The following NDUFC2 variants were observed in gnomAD, a reference collection of about 807,000 sequenced individuals.
NDUFC2 encodes the protein NADH dehydrogenase [ubiquinone] 1 subunit C2.
A neutral mutation model predicts 10.1 loss-of-function variants in NDUFC2; 2 were observed. That is an observed-to-expected ratio of 0.20 (90% CI 0.08 to 0.62). The LOEUF (loss-of-function observed/expected upper bound fraction) is 0.62. Ranked by LOEUF, NDUFC2 falls within the 20% of genes least tolerant of loss-of-function variation. The pLI, the probability that NDUFC2 is intolerant of heterozygous loss-of-function variation, is 0.87. For synonymous variants in NDUFC2, 61 were observed against 63.6 expected (o/e 0.96, Z 0.20); for missense variants, 156 against 159.6 (o/e 0.98, Z 0.12).
At position 78,079,701 on chromosome 11, in the gene NDUFC2, T is replaced by G; in HGVS notation, c.44A>C (p.Asp15Ala). ...RNPEPLRFLP[D>A]EARSLPPPKL... ...GGGCGGGGGCAGGCTCCGGGCCTCA[T>G]CCGGCAGAAACCGTAAGGGTTCTGG... Residue 15 changes from aspartate (D) to alanine (A), a missense_variant, in exon 1 of 3, where the codon GAT (aspartate) becomes GCT (alanine). By Grantham distance (126) the Asp-to-Ala change is moderately radical. Coordinates refer to ENST00000281031, the MANE Select transcript of NDUFC2 (RefSeq NM_004549.6). 1 of 1,610,234 alleles carries G rather than the reference T, an allele frequency of 6.2e-7. No individual in the cohort carries two copies. The highest frequency in any genetic ancestry group is 8.5e-7 in the Non-Finnish European group (1 of 1,178,644).
Position 78,069,702 on chromosome 11 carries a change from TGA to T in NDUFC2, c.*283_*284del, listed in dbSNP as rs145640909. On this transcript the variant is annotated 3_prime_UTR_variant, in exon 3 of 3. Coordinates refer to ENST00000281031, the MANE Select transcript of NDUFC2 (RefSeq NM_004549.6). The stretch of plus-strand genomic sequence containing the variant: ...ACAAATGAGCATGGCTGTGTTCCAA[TGA>T]GACTTTATTGGCAGTGGGCCAGATT... 0.016 allele frequency: 10,280 copies of T among 623,738 alleles called. 130 individuals carry two copies. The highest frequency in any genetic ancestry group is 0.024 in the South Asian group (1,144 of 46,896). The allele number at this position is 623,738 out of a possible 1,614,324, so 38.6% of individuals were successfully genotyped here.
chr11:78,070,113 A>C, intron 2 of NDUFC2, 77 bp from the exon 3 acceptor site: 1 of 1,033,412 alleles, frequency 9.7e-7, no homozygotes, highest in Non-Finnish European at 1.4e-6. Flanking sequence ...GAAAATTAAC[A>C]CTCACTAATC....
intron 1 of NDUFC2, among the ~76,000 whole-genome samples, chr11:78,073,910 C>T (rs1027262079): frequency 1.1e-4 from 16 of 150,418 alleles, no homozygotes; most frequent in Admixed American, 3.3e-4. Flanking sequence ...CTAGCTCTGT[C>T]GCCCAGGCTG....
At chr11:78,072,825 C>T in intron 2 of NDUFC2, 173 bp downstream of exon 2, 5 of 921,234 alleles carry the variant, frequency 5.4e-6, no homozygotes, top group Non-Finnish European at 8.0e-6. Context: ...GTCCAAAGGA[C>T]ACGGAGGTAG....
At chr11:78,079,248 A>G (rs570358953) in intron 1 of NDUFC2, among the ~76,000 whole-genome samples, 1 of 152,298 alleles carries the variant, frequency 6.6e-6, no homozygotes, top group Admixed American at 6.5e-5. Context: ...AATGCTATCA[A>G]TAATGCCCAC....
rs11544622 is a variant in NDUFC2 at position 78,079,683 on chromosome 11, G to A, written c.62C>T (p.Pro21Leu). ...RFLPDEARSL[P>L]PPKLTDPRLL... ...CCGCGGGTCGGTCAGCTTGGGCGGGGGCAGGCTCCGGGCCTCATCCGGCAG... is the reference window on the plus strand; with the variant it reads ...CCGCGGGTCGGTCAGCTTGGGCGGGAGCAGGCTCCGGGCCTCATCCGGCAG... The change falls in exon 1 of 3, where the codon CCC (proline) becomes CTC (leucine). Residue 21 changes from proline to leucine, a missense_variant. Coordinates refer to ENST00000281031, the MANE Select transcript of NDUFC2 (RefSeq NM_004549.6). 6.2e-7 allele frequency: 1 copy of A among 1,610,098 alleles called. No individual in the cohort carries two copies. The highest frequency in any genetic ancestry group is 2.2e-5 in the East Asian group (1 of 44,682).
chr11:78,076,915 A>G (rs1859274918), intron 1 of NDUFC2, among the ~76,000 whole-genome samples: 1 of 152,260 alleles, frequency 6.6e-6, no homozygotes, highest in African/African-American at 2.4e-5. Flanking sequence ...ACATGTATCT[A>G]TCATACCAAG....
chr11:78,071,041 T>C (rs542469094), intron 2 of NDUFC2, among the ~76,000 whole-genome samples: 1 of 152,302 alleles, frequency 6.6e-6, no homozygotes, highest in African/African-American at 2.4e-5. Context: ...TCCCGATACA[T>C]CCACTATTCA....
rs1245768880 is a variant in NDUFC2, at chr11:78,070,157, C to T, written c.311-121G>A. On this transcript the variant is annotated intron_variant, in intron 2 of 2. Transcript: ENST00000281031. The stretch of plus-strand genomic sequence containing the variant: ...GAAATCCTGCTGTGGTCTGAATGTT[C>T]ATGTCCCCCCAAAGTTCATAAATTG... The T allele has an allele frequency of 1.1e-5, 8 of 706,828 alleles. No individual in the cohort carries two copies. The African/African-American group carries it at 1.4e-4, about 13-fold the overall frequency. 43.8% of individuals were successfully genotyped at this position (706,828 alleles called of 1,614,324 possible).
chr11:78,068,356 T>C lies in NDUFC2; in HGVS notation c.*1631A>G. ...TAAAAAATCCAAAGCCTTGTATTTG[T>C]ACATCTTTATTATTTCTAAAGCACT... is the stretch of plus-strand genomic sequence containing the variant. On this transcript the variant is annotated 3_prime_UTR_variant, in exon 3 of 3. Coordinates refer to ENST00000281031, the MANE Select transcript of NDUFC2 (RefSeq NM_004549.6). 6.6e-6 allele frequency: 1 copy of C among 152,342 alleles called. No individual in the cohort carries two copies. Among genetic ancestry groups the C allele is most frequent in the African/African-American group, 2.4e-5 (1 of 41,576 alleles). 9.4% of individuals were successfully genotyped at this position (152,342 alleles called of 1,614,324 possible). A position where few individuals can be genotyped will look rare whatever the true frequency, so the allele number is the denominator to read the frequency against.
intron 1 of NDUFC2, among the ~76,000 whole-genome samples, chr11:78,075,754 T>TA (rs1859222674): frequency 1.3e-5 from 2 of 152,082 alleles, no homozygotes; most frequent in African/African-American, 4.8e-5. Context: ...CCAGATAGCT[T>TA]AAAAAAATTT....
intron 1 of NDUFC2, among the ~76,000 whole-genome samples, chr11:78,074,314 TAGACA>T (rs142726498): frequency 0.15 from 22,117 of 151,832 alleles, 1,940 homozygotes; most frequent in East Asian, 0.28. Context: ...CTCTAAAACA[TAGACA>T]AGACCTATCC....
intron 1 of NDUFC2, among the ~76,000 whole-genome samples, chr11:78,078,018 A>G (rs779468784): frequency 9.2e-5 from 14 of 152,222 alleles, no homozygotes; most frequent in Non-Finnish European, 1.9e-4. Flanking sequence ...AGTTATGTCC[A>G]AGGGAGATAG....
chr11:78,073,841 C>T (rs1009878182), intron 1 of NDUFC2, among the ~76,000 whole-genome samples: 2 of 149,890 alleles, frequency 1.3e-5, no homozygotes, highest in South Asian at 2.1e-4. Flanking sequence ...CTGAACAAAC[C>T]GCCTTGATCC....
At chr11:78,079,490 A>C in intron 1 of NDUFC2, 89 bp downstream of exon 1, 1 of 1,463,384 alleles carries the variant, frequency 6.8e-7, no homozygotes, top group Non-Finnish European at 9.0e-7. Context: ...ACGGAAAAGC[A>C]GAGCACCTCA....
chr11:78,073,783 C>A (rs1177072529), intron 1 of NDUFC2, among the ~76,000 whole-genome samples: 1 of 100,690 alleles, frequency 9.9e-6, no homozygotes, highest in Non-Finnish European at 1.8e-5. Flanking sequence ...GCCTGGGGGA[C>A]GGAGTGAGGC....
In NDUFC2 at chr11:78,069,825, T is replaced by C. The variant is rs1412875844; in HGVS notation, c.*162A>G. 9.5e-6 allele frequency: 14 copies of C among 1,474,208 alleles called. No homozygotes were observed. The highest frequency in any genetic ancestry group is 1.3e-5 in the Non-Finnish European group (14 of 1,081,052). 91.3% of individuals were successfully genotyped at this position (1,474,208 alleles called of 1,614,324 possible). A position where few individuals can be genotyped will look rare whatever the true frequency, so the allele number is the denominator to read the frequency against. On this transcript the variant is annotated 3_prime_UTR_variant, in exon 3 of 3. Coordinates refer to ENST00000281031, the MANE Select transcript of NDUFC2 (RefSeq NM_004549.6). The stretch of plus-strand genomic sequence containing the variant: ...TGACCATTCTCTGATGATGAACTAT[T>C]TTTCTTACAACAATAAAGAGTCAGA...
chr11:78,075,577 AT>A (rs1460564851), intron 1 of NDUFC2, among the ~76,000 whole-genome samples: 6 of 152,178 alleles, frequency 3.9e-5, no homozygotes, highest in Non-Finnish European at 7.3e-5. Flanking sequence ...ATAGAAATTC[AT>A]TATTATGAGA....
intron 1 of NDUFC2, among the ~76,000 whole-genome samples, chr11:78,076,988 T>A (rs1011507115): frequency 6.6e-6 from 1 of 152,146 alleles, no homozygotes; most frequent in African/African-American, 2.4e-5. Context: ...ATAGGGCACA[T>A]AACAGAGAAA....
Sources: gnomAD v4.1 joint callset for allele counts (sites outside exome capture counted in the v4.1 genomes callset) on GRCh38, gnomAD v4.1.1 for gene constraint, MANE v1.5 for transcripts, NCBI Gene and HGNC (gene_info 2026-07-23, HGNC 2026-07-21) for gene names.